ZNF185: variants seen among roughly 807,000 people sequenced by gnomAD.
ZNF185 encodes the protein zinc finger protein 185.
Under a neutral mutation model 58.6 loss-of-function variants are expected in ZNF185, and 56 were observed. The observed-to-expected ratio is 0.95, with a 90% CI of 0.77 to 1.19. The LOEUF (loss-of-function observed/expected upper bound fraction) is 1.19, where lower values mean the gene tolerates loss of function less well. ZNF185 is among the 50% of genes most tolerant of loss of function. The probability of loss-of-function intolerance (pLI) is 0.00; values close to 1 mark genes in which losing one functional copy is unlikely to be tolerated. For synonymous variants in ZNF185, 230 were observed against 215.9 expected (o/e 1.07, Z -0.57); for missense variants, 627 against 573.5 (o/e 1.09, Z -0.95).
rs1035419616 is a variant in ZNF185, at chrX:152,932,609, T to G, written c.1023-264T>G. ...CCCACATGTCTTGCCCCTTGCTCTG[T>G]TGGCAATCAGCTCCCCCCACCACCA... is the stretch of plus-strand genomic sequence containing the variant. On this transcript the variant is annotated intron_variant, in intron 13 of 22. Coordinates refer to ENST00000449285, the Ensembl canonical transcript of ZNF185. 3.6e-5 allele frequency among the ~76,000 whole-genome samples: 4 copies of G among 112,059 alleles called. No homozygotes were observed. The East Asian group carries it at 1.1e-3, about 31-fold the overall frequency.
chrX:152,941,592 T>TGTGCACCTCGGCGAGCACGCGCCC (rs1299550853), intron 15 of ZNF185: 24 of 1,081,304 alleles, frequency 2.2e-5, no homozygotes, highest in Non-Finnish European at 2.8e-5. Flanking sequence ...CGTGCGCGCC[T>TGTGCACCTCGGCGAGCACGCGCCC]GTGCACCTCG....
intron 2 of ZNF185, 54 bp downstream of exon 3, chrX:152,914,887 G>A: frequency 8.7e-7 from 1 of 1,148,248 alleles, no homozygotes; most frequent in Non-Finnish European, 1.2e-6. Context: ...CGCAATCCGT[G>A]GGGGACCGAC....
chrX:152,953,586 A>G (rs1473075326), intron 16 of ZNF185, among the ~76,000 whole-genome samples: 1 of 111,123 alleles, frequency 9.0e-6, no homozygotes, highest in African/African-American at 3.3e-5. Flanking sequence ...AGTCCCAGCT[A>G]CCTGGGAGGC....
At chrX:152,970,860 T>C (rs782166162) in intron 22 of ZNF185, among the ~76,000 whole-genome samples, 3 of 110,966 alleles carry the variant, frequency 2.7e-5, no homozygotes, top group Non-Finnish European at 3.8e-5. Context: ...AATAAAGATA[T>C]AGAAAGGGAG....
At chrX:152,942,758 C>T (rs2047366449) in intron 15 of ZNF185, among the ~76,000 whole-genome samples, 1 of 111,294 alleles carries the variant, frequency 9.0e-6, no homozygotes, top group Non-Finnish European at 1.9e-5. Flanking sequence ...GTTTAGGCAC[C>T]ACATTTCCTC....
intron 20 of ZNF185, among the ~76,000 whole-genome samples, chrX:152,968,861 G>A (rs1489101716): frequency 8.9e-6 from 1 of 112,389 alleles, no homozygotes; most frequent in African/African-American, 3.2e-5. Flanking sequence ...CCAGGAGTCA[G>A]TATCTAGAAC....
At chrX:152,961,635 C>T (rs2049493554) in intron 17 of ZNF185, among the ~76,000 whole-genome samples, 2 of 112,304 alleles carry the variant, frequency 1.8e-5, no homozygotes, top group Non-Finnish European at 3.8e-5. Context: ...ACAGTGAACA[C>T]GATGGCTAAG....
chrX:152,931,614 C>T, intron 12 of ZNF185, 58 bp from the exon 14 acceptor site: 3 of 1,039,329 alleles, frequency 2.9e-6, no homozygotes, highest in Admixed American at 2.6e-5. Context: ...GAGGTAACAG[C>T]CCACACCTGA....
intron 17 of ZNF185, among the ~76,000 whole-genome samples, chrX:152,960,788 G>A (rs1326836965): frequency 8.9e-6 from 1 of 112,611 alleles, no homozygotes; most frequent in African/African-American, 3.2e-5. Context: ...ACTGGAAACA[G>A]TGTGGTCTCA....
At chrX:152,928,779 G>A in intron 12 of ZNF185, 118 bp downstream of exon 13, 1 of 710,744 alleles carries the variant, frequency 1.4e-6, no homozygotes, top group Non-Finnish European at 2.1e-6. Flanking sequence ...GGGCCAACAG[G>A]TTGATGGGAG....
intron 6 of ZNF185, 81 bp downstream of exon 7, chrX:152,918,235 A>G: frequency 9.4e-7 from 1 of 1,068,018 alleles, no homozygotes; most frequent in East Asian, 3.3e-5. Context: ...AAGGCAGCTG[A>G]CTACTTGCCA....
intron 11 of ZNF185, among the ~76,000 whole-genome samples, chrX:152,925,210 G>A (rs1313256002): frequency 1.1e-4 from 12 of 111,816 alleles, no homozygotes; most frequent in Non-Finnish European, 2.1e-4. Context: ...GGAGGCTGAG[G>A]TGGGAGGACT....
At chrX:152,952,878 G>A (rs1227847168) in intron 16 of ZNF185, among the ~76,000 whole-genome samples, 14 of 105,683 alleles carry the variant, frequency 1.3e-4, no homozygotes, top group African/African-American at 4.6e-4. Context: ...GACAGAATGA[G>A]TGCCATAGGG....
At chrX:152,926,650 A>G (rs1479554313) in intron 11 of ZNF185, among the ~76,000 whole-genome samples, 1 of 112,158 alleles carries the variant, frequency 8.9e-6, no homozygotes, top group East Asian at 2.8e-4. Context: ...GCAGCCTTCC[A>G]GCGTGGTCCT....
At chrX:152,941,865 G>A (rs1404606161) in intron 15 of ZNF185, 2 of 1,117,262 alleles carry the variant, frequency 1.8e-6, no homozygotes, top group Non-Finnish European at 2.4e-6. Flanking sequence ...GTGGCTTTGG[G>A]GTGACCGCGC....
Position 152,932,884 on chromosome X carries a change from A to G in ZNF185, c.1034A>G (p.Gln345Arg), listed in dbSNP as rs1556878653. 5 of 1,202,635 alleles carry G rather than the reference A, an allele frequency of 4.2e-6. No homozygotes were observed. In the South Asian group the frequency reaches 9.0e-5, roughly 22 times the overall value. ...ACTTCTCATAACAGGTCAAGTGCAC[A>G]GTTGAGTGATGGCAATGTGGGATCC... is the stretch of plus-strand genomic sequence containing the variant. Residue 345 changes from glutamine to arginine, a missense_variant, in exon 14 of 23, where the codon CAG (glutamine) becomes CGG (arginine). Transcript: ENST00000449285.
intron 11 of ZNF185, among the ~76,000 whole-genome samples, chrX:152,924,799 C>G (rs963573468): frequency 1.8e-5 from 2 of 112,158 alleles, no homozygotes; most frequent in Non-Finnish European, 3.8e-5. Context: ...ATTCTTCTGC[C>G]TCAGCCTCCC....
chrX:152,902,565 C>T, the ZNF185 span, among the ~76,000 whole-genome samples: 1 of 113,090 alleles, frequency 8.8e-6, no homozygotes, highest in African/African-American at 3.2e-5. Context: ...CCAGCGATCC[C>T]TTACTCATGC....
chrX:152,923,103 T>C (rs1344234297), intron 11 of ZNF185, among the ~76,000 whole-genome samples: 1 of 112,278 alleles, frequency 8.9e-6, no homozygotes, highest in Non-Finnish European at 1.9e-5. Flanking sequence ...GTTGCTGCTG[T>C]TTAAAGTGCC....
Sources: allele counts gnomAD v4.1 joint callset (sites outside exome capture counted in the v4.1 genomes callset), GRCh38; gene constraint gnomAD v4.1.1; transcripts MANE v1.5; gene names NCBI Gene and HGNC (gene_info 2026-07-23, HGNC 2026-07-21).